Variants in LYPLA1 observed in about 807,000 individuals in gnomAD.
The protein encoded by LYPLA1 is acyl-protein thioesterase 1.
LYPLA1 carries 17 observed loss-of-function variants against 34.0 expected under a neutral mutation model. The observed-to-expected ratio is 0.50, with a 90% CI of 0.34 to 0.75. The LOEUF is 0.75. LYPLA1 is among the 30% of genes least tolerant of loss of function. LYPLA1 has a pLI of 0.01. For missense variants in LYPLA1, 203 were observed against 288.8 expected (o/e 0.70, Z 2.15); for synonymous variants, 98 against 100.8 (o/e 0.97, Z 0.17).
chr8:54,097,693 C>G (rs1190778088), intron 2 of LYPLA1, among the ~76,000 whole-genome samples: 2 of 152,104 alleles, frequency 1.3e-5, no homozygotes, highest in East Asian at 1.9e-4. Flanking sequence ...ATGGAAAATT[C>G]CAGAAATAAA....
rs1808528660 is a variant in LYPLA1, at chr8:54,084,147, T to TACATATATATATATATATATATAC, written c.101+16760_101+16761insGTATATATATATATATATATATGT. Among the ~76,000 whole-genome samples the TACATATATATATATATATATATAC allele has an allele frequency of 4.8e-5, 6 of 125,980 alleles. 1 individual carries two copies. The highest frequency in any genetic ancestry group is 2.3e-4 in the African/African-American group (6 of 25,990). The allele number at this position is 125,980 out of a possible 152,430, so 82.6% of individuals were successfully genotyped here. Reference sequence around the variant, plus strand: ...AAGAAAAAAAAAATAAATAAATATATATATATATATATATATAAAATAAAG... The same window carrying TACATATATATATATATATATATAC: ...AAGAAAAAAAAAATAAATAAATATATACATATATATATATATATATATACATATATATATATATATAAAATAAAG... On this transcript the variant is annotated intron_variant, in intron 2 of 8. Transcript: ENST00000316963.
At chr8:54,057,946 A>C (rs1239971344) in intron 5 of LYPLA1, among the ~76,000 whole-genome samples, 1 of 152,230 alleles carries the variant, frequency 6.6e-6, no homozygotes, top group Non-Finnish European at 1.5e-5. Flanking sequence ...GTACTCACAA[A>C]AATTGAAAAT....
intron 2 of LYPLA1, among the ~76,000 whole-genome samples, chr8:54,093,722 G>C (rs1471455276): frequency 3.3e-5 from 5 of 152,034 alleles, no homozygotes; most frequent in Admixed American, 2.0e-4. Context: ...CAAATACTTA[G>C]TGCTATTACA....
At chr8:54,098,533 T>C (rs1402537861) in intron 2 of LYPLA1, among the ~76,000 whole-genome samples, 1 of 151,924 alleles carries the variant, frequency 6.6e-6, no homozygotes, top group East Asian at 1.9e-4. Flanking sequence ...ACAAAAAAAT[T>C]AGCTGGACGT....
chr8:54,055,039 TC>T lies in LYPLA1; in HGVS notation c.360+20del. On this transcript the variant is annotated intron_variant, in intron 6 of 8. Transcript: ENST00000316963. The stretch of plus-strand genomic sequence containing the variant: ...ATAAGTATACTGATGGTACTGACAT[TC>T]CACTCAAATTTTATCTTACCTGAGA... 6.9e-7 allele frequency: 1 copy of T among 1,446,112 alleles called. No individual in the cohort carries two copies. Among genetic ancestry groups the T allele is most frequent in the Non-Finnish European group, 9.7e-7 (1 of 1,028,802 alleles). 89.6% of individuals were successfully genotyped at this position (1,446,112 alleles called of 1,614,324 possible). A position where few individuals can be genotyped will look rare whatever the true frequency, so the allele number is the denominator to read the frequency against.
At chr8:54,100,284 A>C (rs1786790626) in intron 2 of LYPLA1, 1 of 152,472 alleles carries the variant, frequency 6.6e-6, no homozygotes, top group Non-Finnish European at 1.5e-5. Flanking sequence ...AGGAGTTCAA[A>C]GCTGCAGTGA....
chr8:54,079,666 G>A lies in LYPLA1; in HGVS notation c.102-13853C>T, dbSNP rs1450132357. On this transcript the variant is annotated intron_variant, in intron 2 of 8. Coordinates refer to ENST00000316963, the MANE Select transcript of LYPLA1 (RefSeq NM_006330.4). ...TGAGAATACAAAATTAGCTGGGAGC[G>A]CTCCTGCAGTCTCAGTTACTCAGGA... Among the ~76,000 whole-genome samples, 5 of 152,134 alleles carry A rather than the reference G, an allele frequency of 3.3e-5. No homozygotes were observed. In the South Asian group the frequency reaches 1.0e-3, roughly 32 times the overall value.
intron 2 of LYPLA1, among the ~76,000 whole-genome samples, chr8:54,067,012 T>C (rs1807115743): frequency 6.6e-6 from 1 of 151,212 alleles, no homozygotes; most frequent in East Asian, 2.0e-4. Context: ...CTACTAAAAA[T>C]ACAAAAACTA....
At chr8:54,068,379 G>C (rs1299744174) in intron 2 of LYPLA1, among the ~76,000 whole-genome samples, 2 of 152,032 alleles carry the variant, frequency 1.3e-5, no homozygotes, top group African/African-American at 2.4e-5. Context: ...AAATTTGTAT[G>C]GAAACTCAAG....
At chr8:54,085,072 C>T (rs1482875189) in intron 2 of LYPLA1, among the ~76,000 whole-genome samples, 3 of 152,204 alleles carry the variant, frequency 2.0e-5, no homozygotes, top group Non-Finnish European at 2.9e-5. Context: ...ACTGTACTGC[C>T]GCCATCTCGG....
At chr8:54,057,959 AAAAAT>A (rs1466332261) in intron 5 of LYPLA1, among the ~76,000 whole-genome samples, 1 of 152,214 alleles carries the variant, frequency 6.6e-6, no homozygotes, top group East Asian at 1.9e-4. Context: ...TTGAAAATAA[AAAAAT>A]AAAATTTTAA....
intron 2 of LYPLA1, chr8:54,100,655 C>A: frequency 2.2e-6 from 1 of 461,532 alleles, no homozygotes; most frequent in South Asian, 2.3e-5. Context: ...TATCCAATAC[C>A]CAAAGCAACT....
intron 2 of LYPLA1, among the ~76,000 whole-genome samples, chr8:54,085,420 G>A (rs1364409987): frequency 6.6e-6 from 1 of 152,218 alleles, no homozygotes; most frequent in East Asian, 1.9e-4. Flanking sequence ...CATCTAGGAA[G>A]TGAGAAGTGT....
intron 2 of LYPLA1, chr8:54,073,521 C>G (rs1204095037): frequency 2.9e-6 from 2 of 693,268 alleles, no homozygotes; most frequent in Non-Finnish European, 5.4e-6. Flanking sequence ...TCTACACTGC[C>G]ACTTCTATGC....
At chr8:54,076,645 C>T (rs917369852) in intron 2 of LYPLA1, among the ~76,000 whole-genome samples, 1 of 152,124 alleles carries the variant, frequency 6.6e-6, no homozygotes, top group Non-Finnish European at 1.5e-5. Context: ...GTGGGTTTAC[C>T]GGAATGAGGG....
In LYPLA1 at chr8:54,084,141, A is replaced by AATACATAT. The variant is rs1554547934; in HGVS notation, c.101+16766_101+16767insATATGTAT. 1.2e-3 allele frequency among the ~76,000 whole-genome samples: 137 copies of AATACATAT among 118,642 alleles called. 8 individuals are homozygous for AATACATAT. Among genetic ancestry groups the AATACATAT allele is most frequent in the African/African-American group, 5.9e-3 (127 of 21,666 alleles). 77.8% of individuals were successfully genotyped at this position (118,642 alleles called of 152,430 possible). On this transcript the variant is annotated intron_variant, in intron 2 of 8. Transcript: ENST00000316963. Reference sequence around the variant, plus strand: ...AGACCAAAGAAAAAAAAAATAAATAAATATATATATATATATATATATAAA... The same window carrying AATACATAT: ...AGACCAAAGAAAAAAAAAATAAATAAATACATATATATATATATATATATATATATAAA...
In LYPLA1 at chr8:54,085,783, C is replaced by T. The variant is rs868019545; in HGVS notation, c.101+15125G>A. On this transcript the variant is annotated intron_variant, in intron 2 of 8. Transcript: ENST00000316963. Reference sequence around the variant, plus strand: ...TTAGGTGGGGGGGCAGCCCCCACCCCGGCCAGCCGCCCCGTCCGCGAGGTG... The same window carrying T: ...TTAGGTGGGGGGGCAGCCCCCACCCTGGCCAGCCGCCCCGTCCGCGAGGTG... 6.9e-5 allele frequency among the ~76,000 whole-genome samples: 9 copies of T among 131,216 alleles called. No individual in the cohort carries two copies. The South Asian group carries it at 9.9e-4, about 14-fold the overall frequency. 86.1% of individuals were successfully genotyped at this position (131,216 alleles called of 152,430 possible). A position where few individuals can be genotyped will look rare whatever the true frequency, so the allele number is the denominator to read the frequency against.
In LYPLA1 at chr8:54,101,551, A is replaced by C. The variant is rs559743589; in HGVS notation, c.69+204T>G. The C allele has an allele frequency of 3.2e-4, 366 of 1,146,266 alleles. 2 individuals are homozygous for C. The African/African-American group carries it at 5.6e-3, about 17-fold the overall frequency. The allele number at this position is 1,146,266 out of a possible 1,614,324, so 71.0% of individuals were successfully genotyped here. On this transcript the variant is annotated intron_variant, in intron 1 of 8. Transcript: ENST00000316963. The stretch of plus-strand genomic sequence containing the variant: ...TCCGCAATGCAGGGAGGAGCTGGGG[A>C]CTGGCCCTCGCGCCGGCTGTGACCC...
In LYPLA1 at chr8:54,051,097, G is replaced by A. The variant is rs767257936; in HGVS notation, c.554C>T (p.Thr185Met). ...PLVPLMFGSL[T>M]VEKLKTLVNP... ...CACCAATGTTTTTAGTTTTTCCACC[G>A]TAAGAGAACCAAACATCAGGGGAAC... The change falls in exon 8 of 9, where the codon ACG becomes ATG. Residue 185 changes from threonine to methionine, a missense_variant. Thr to Met is a moderately conservative substitution (Grantham distance 81). Coordinates refer to ENST00000316963, the MANE Select transcript of LYPLA1 (RefSeq NM_006330.4). 15 of 1,613,676 alleles carry A rather than the reference G, an allele frequency of 9.3e-6. No homozygotes were observed. Among genetic ancestry groups the A allele is most frequent in the South Asian group, 5.5e-5 (5 of 91,066 alleles).
Sources: allele counts gnomAD v4.1 joint callset (sites outside exome capture counted in the v4.1 genomes callset), GRCh38; gene constraint gnomAD v4.1.1; transcripts MANE v1.5; gene names NCBI Gene and HGNC (gene_info 2026-07-23, HGNC 2026-07-21).